CAPZA1: variants seen among roughly 807,000 people sequenced by gnomAD.
The protein encoded by CAPZA1 is capping actin protein of muscle Z-line subunit alpha 1, also known as F-actin-capping protein subunit alpha-1.
CAPZA1 carries 10 observed loss-of-function variants against 40.8 expected under a neutral mutation model. That is an observed-to-expected ratio of 0.25 (90% CI 0.15 to 0.42). The LOEUF (loss-of-function observed/expected upper bound fraction) is 0.42. Ranked by LOEUF, CAPZA1 falls within the 10% of genes least tolerant of loss-of-function variation. The pLI is 1.00. For synonymous variants in CAPZA1, 98 were observed against 115.0 expected (o/e 0.85, Z 0.95); for missense variants, 277 against 353.8 (o/e 0.78, Z 1.74).
At chr1:112,631,683 T>C (rs1427486089) in intron 1 of CAPZA1, among the ~76,000 whole-genome samples, 1 of 152,196 alleles carries the variant, frequency 6.6e-6, no homozygotes, top group East Asian at 1.9e-4. Flanking sequence ...ACATCATTGC[T>C]CGCTAACACG....
rs1319531620 is a variant in CAPZA1 at position 112,642,694 on chromosome 1, A to G, written c.40-4516A>G. ...GATACTTCTCTTCCTAGTTTGCCGAATGGGTGAATTATTACTTTTTTATAT... is the reference window on the plus strand; with the variant it reads ...GATACTTCTCTTCCTAGTTTGCCGAGTGGGTGAATTATTACTTTTTTATAT... On this transcript the variant is annotated intron_variant, in intron 1 of 9. Coordinates refer to ENST00000263168, the MANE Select transcript of CAPZA1 (RefSeq NM_006135.3). Among the ~76,000 whole-genome samples the G allele has an allele frequency of 8.5e-5, 13 of 152,138 alleles. No homozygotes were observed. The East Asian group carries it at 2.3e-3, about 27-fold the overall frequency.
chr1:112,639,968 G>GT (rs1671107739), intron 1 of CAPZA1, among the ~76,000 whole-genome samples: 1 of 128,210 alleles, frequency 7.8e-6, no homozygotes, highest in Admixed American at 7.6e-5. Flanking sequence ...GAGGTGGGGG[G>GT]GTCAGCCCCC....
chr1:112,633,993 T>A (rs765216802), intron 1 of CAPZA1, among the ~76,000 whole-genome samples: 6 of 152,208 alleles, frequency 3.9e-5, no homozygotes, highest in Non-Finnish European at 7.4e-5. Flanking sequence ...TAGCCCTTTA[T>A]CAGATGTATA....
intron 5 of CAPZA1, among the ~76,000 whole-genome samples, chr1:112,657,414 TA>T (rs1671519760): frequency 6.6e-6 from 1 of 152,196 alleles, no homozygotes; most frequent in Admixed American, 6.5e-5. Context: ...CTGAACCCTT[TA>T]ATTTTTTACT....
intron 1 of CAPZA1, among the ~76,000 whole-genome samples, chr1:112,633,013 A>AT (rs1394068283): frequency 6.6e-6 from 1 of 152,244 alleles, no homozygotes; most frequent in Middle Eastern, 3.2e-3. Context: ...TTCTAAGTAC[A>AT]TTCTGTGTAT....
At chr1:112,647,189 G>A in intron 1 of CAPZA1, 21 bp from the exon 2 acceptor site, 1 of 1,347,256 alleles carries the variant, frequency 7.4e-7, no homozygotes, top group Non-Finnish European at 1.0e-6. Context: ...TCTCCTAAGT[G>A]TAAATTTTGT....
intron 1 of CAPZA1, among the ~76,000 whole-genome samples, chr1:112,639,947 C>T (rs1570708760): frequency 1.5e-5 from 2 of 136,902 alleles, no homozygotes; most frequent in African/African-American, 2.7e-5. Flanking sequence ...CCAGCCGCCC[C>T]GTCCGGGAGG....
rs1021389166 is a variant in CAPZA1 at position 112,666,026 on chromosome 1, G to T, written c.586-1048G>T. Among the ~76,000 whole-genome samples the T allele has an allele frequency of 2.6e-5, 4 of 151,970 alleles. No homozygotes were observed. In the South Asian group the frequency reaches 8.3e-4, roughly 31 times the overall value. Reference sequence around the variant, plus strand: ...CTGCATTCTTTTTTTTCCCTAAGATGGGGATCTTGCTATATTGCCCAGGCT... The same window carrying T: ...CTGCATTCTTTTTTTTCCCTAAGATTGGGATCTTGCTATATTGCCCAGGCT... On this transcript the variant is annotated intron_variant, in intron 7 of 9. Coordinates refer to ENST00000263168, the MANE Select transcript of CAPZA1 (RefSeq NM_006135.3).
At chr1:112,621,843 C>T (rs909369914) in intron 1 of CAPZA1, among the ~76,000 whole-genome samples, 5 of 143,628 alleles carry the variant, frequency 3.5e-5, no homozygotes, top group African/African-American at 7.8e-5. Context: ...CTCGCTGCAA[C>T]CTCTGCCTCT....
intron 1 of CAPZA1, 137 bp downstream of exon 1, chr1:112,620,020 G>C (rs887011599): frequency 5.9e-6 from 4 of 673,900 alleles, no homozygotes; most frequent in Non-Finnish European, 1.0e-5. Flanking sequence ...CTCCGCAGTC[G>C]GGACGCTTCC....
chr1:112,639,475 T>G (rs1247409874), intron 1 of CAPZA1, among the ~76,000 whole-genome samples: 1 of 152,242 alleles, frequency 6.6e-6, no homozygotes, highest in Non-Finnish European at 1.5e-5. Context: ...CCTTTTTCTT[T>G]CATATAATCC....
chr1:112,644,762 C>T (rs1430165938), intron 1 of CAPZA1, among the ~76,000 whole-genome samples: 1 of 152,116 alleles, frequency 6.6e-6, no homozygotes, highest in Admixed American at 6.5e-5. Context: ...TACTGAGAGA[C>T]CCATTTGTGG....
rs55823106 is a variant in CAPZA1, at chr1:112,659,051, G to A, written c.456G>A (p.Gln152=). The change falls in exon 6 of 10, where the codon CAG becomes CAA. Residue 152 remains glutamine, a synonymous_variant. Coordinates refer to ENST00000263168, the MANE Select transcript of CAPZA1 (RefSeq NM_006135.3). The part of the protein sequence containing the change: ...TVYAKTIDGQ[Q]TIIACIESHQ... ...ATGCTAAAACTATCGATGGGCAACA[G>A]ACTATTATTGCATGTATTGAAAGCC... is the stretch of plus-strand genomic sequence containing the variant. 2.5e-5 allele frequency: 40 copies of A among 1,613,238 alleles called. No individual in the cohort carries two copies. The South Asian group carries it at 4.2e-4, about 17-fold the overall frequency.
intron 7 of CAPZA1, among the ~76,000 whole-genome samples, chr1:112,665,986 A>G (rs1265588226): frequency 6.6e-6 from 1 of 152,182 alleles, no homozygotes; most frequent in Non-Finnish European, 1.5e-5. Flanking sequence ...TGTGTCACCT[A>G]TAATAGGATA....
At chr1:112,663,793 C>T (rs927430745) in intron 7 of CAPZA1, among the ~76,000 whole-genome samples, 9 of 152,162 alleles carry the variant, frequency 5.9e-5, no homozygotes, top group African/African-American at 2.2e-4. Context: ...GTGTGAGCCA[C>T]CATGCCTGTT....
chr1:112,663,925 C>T (rs1671668378), intron 7 of CAPZA1, among the ~76,000 whole-genome samples: 1 of 151,906 alleles, frequency 6.6e-6, no homozygotes, highest in South Asian at 2.1e-4. Flanking sequence ...ATAGAGCCAG[C>T]TGTTTGTCCT....
intron 2 of CAPZA1, among the ~76,000 whole-genome samples, chr1:112,648,798 A>T (rs1671332087): frequency 6.6e-6 from 1 of 152,080 alleles, no homozygotes; most frequent in African/African-American, 2.4e-5. Context: ...CCCCGTCTCT[A>T]CTAAAAATAC....
At chr1:112,640,597 T>TG (rs1313499556) in intron 1 of CAPZA1, among the ~76,000 whole-genome samples, 4 of 123,404 alleles carry the variant, frequency 3.2e-5, no homozygotes, top group East Asian at 2.6e-4. Context: ...GGGAGGGAGG[T>TG]GGGGGGGTCA....
intron 1 of CAPZA1, among the ~76,000 whole-genome samples, chr1:112,624,605 CAAAAAAAA>C (rs34860716): frequency 1.9e-3 from 104 of 55,838 alleles, no homozygotes; most frequent in East Asian, 9.5e-3. Context: ...AAAACTCCAT[CAAAAAAAA>C]AAAAAAAAAA....
Sources: gnomAD v4.1 joint callset for allele counts (sites outside exome capture counted in the v4.1 genomes callset) on GRCh38, gnomAD v4.1.1 for gene constraint, MANE v1.5 for transcripts, NCBI Gene and HGNC (gene_info 2026-07-23, HGNC 2026-07-21) for gene names.